Variants in LRBA observed in about 807,000 individuals in gnomAD.
LRBA encodes the protein LPS responsive beige-like anchor protein, also known as lipopolysaccharide-responsive and beige-like anchor protein.
LRBA carries 176 observed loss-of-function variants against 330.0 expected under a neutral mutation model. The ratio of observed to expected loss-of-function variants is 0.53; its 90% CI spans 0.47 to 0.60. The LOEUF (loss-of-function observed/expected upper bound fraction) is 0.60, where lower values mean the gene tolerates loss of function less well. Ranked by LOEUF, LRBA falls within the 20% of genes least tolerant of loss-of-function variation. LRBA has a pLI of 0.00. For synonymous variants in LRBA, 1,230 were observed against 1,193.0 expected (o/e 1.03, Z -0.64); for missense variants, 3,259 against 3,444.8 (o/e 0.95, Z 1.35).
intron 47 of LRBA, among the ~76,000 whole-genome samples, chr4:150,403,013 A>C (rs1230488841): frequency 6.6e-6 from 1 of 152,168 alleles, no homozygotes; most frequent in Non-Finnish European, 1.5e-5. Flanking sequence ...TTCGTTTGAG[A>C]TACACCAGTT....
At chr4:150,722,419 T>C (rs377177327) in intron 36 of LRBA, among the ~76,000 whole-genome samples, 23 of 152,238 alleles carry the variant, frequency 1.5e-4, no homozygotes, top group Non-Finnish European at 2.8e-4. Flanking sequence ...AGAGTGAGTA[T>C]TGAATTCACT....
At chr4:150,266,957 A>T (rs1215521647) in intron 56 of LRBA, among the ~76,000 whole-genome samples, 4 of 152,380 alleles carry the variant, frequency 2.6e-5, no homozygotes, top group South Asian at 4.1e-4. Context: ...AACTGTTACA[A>T]GAGACAAAGG....
chr4:150,703,055 G>A (rs998779536), intron 36 of LRBA, among the ~76,000 whole-genome samples: 11 of 152,158 alleles, frequency 7.2e-5, no homozygotes, highest in African/African-American at 2.7e-4. Context: ...CAGCTACTCG[G>A]GAGGCTGAGG....
chr4:150,591,495 C>T (rs1334435583), intron 38 of LRBA, among the ~76,000 whole-genome samples: 1 of 152,192 alleles, frequency 6.6e-6, no homozygotes, highest in African/African-American at 2.4e-5. Context: ...CATACACTCA[C>T]TCCTCCGCCC....
intron 48 of LRBA, among the ~76,000 whole-genome samples, chr4:150,332,177 A>C (rs1042745295): frequency 1.3e-5 from 2 of 152,170 alleles, no homozygotes; most frequent in African/African-American, 4.8e-5. Context: ...ATCTAGCCCC[A>C]ACCACTGTCC....
intron 46 of LRBA, among the ~76,000 whole-genome samples, chr4:150,425,573 CAT>C (rs1179238793): frequency 6.6e-6 from 1 of 152,166 alleles, no homozygotes; most frequent in Non-Finnish European, 1.5e-5. Flanking sequence ...TGTGACCACA[CAT>C]ATGCTTTAGT....
At chr4:150,618,813 C>T (rs1286043835) in intron 37 of LRBA, among the ~76,000 whole-genome samples, 1 of 148,776 alleles carries the variant, frequency 6.7e-6, no homozygotes, top group Admixed American at 6.8e-5. Flanking sequence ...TCACAATAAA[C>T]ATTATGTATA....
At chr4:150,549,229 G>T (rs944334893) in intron 40 of LRBA, among the ~76,000 whole-genome samples, 2 of 151,668 alleles carry the variant, frequency 1.3e-5, no homozygotes, top group Non-Finnish European at 2.9e-5. Context: ...TGTTTCATAT[G>T]ACATTTTTTA....
Position 150,900,067 on chromosome 4 carries a change from T to G in LRBA, c.1906A>C (p.Ile636Leu). 1 of 1,612,772 alleles carries G rather than the reference T, an allele frequency of 6.2e-7. No individual in the cohort carries two copies. The highest frequency in any genetic ancestry group is 8.5e-7 in the Non-Finnish European group (1 of 1,179,110). Residue 636 changes from isoleucine (I) to leucine (L), a missense_variant, in exon 14 of 57, where the codon ATC becomes CTC. Ile to Leu is a conservative substitution (Grantham distance 5). Transcript: ENST00000651943. ...WAVNPQDRSG[I>L]TPKGLDGPRP... ...TATATACCTAATCCTTTTGGGGTGA[T>G]ACCACTTCGATCCTGAGGATTCACT...
At chr4:150,537,188 C>T (rs1018904964) in intron 40 of LRBA, among the ~76,000 whole-genome samples, 5 of 152,098 alleles carry the variant, frequency 3.3e-5, no homozygotes, top group Admixed American at 6.6e-5. Context: ...ACACCTACAA[C>T]AAAAGTTTTA....
intron 2 of LRBA, among the ~76,000 whole-genome samples, chr4:150,967,994 T>C (rs1739093362): frequency 6.6e-6 from 1 of 150,838 alleles, no homozygotes. Flanking sequence ...AAAGGAAGAT[T>C]TGCACATCTT....
At position 150,632,818 on chromosome 4, in the gene LRBA, T is replaced by C. The variant is rs555741618; in HGVS notation, c.5922-33687A>G. 5.8e-4 allele frequency among the ~76,000 whole-genome samples: 88 copies of C among 152,340 alleles called. No homozygotes were observed. The South Asian group carries it at 0.017, about 29-fold the overall frequency. ...TCAGCAATTTATACTTGCTGCATCA[T>C]AGCAGTTATTCAACTACTTTATCAT... On this transcript the variant is annotated intron_variant, in intron 37 of 56. Coordinates refer to ENST00000651943, the MANE Select transcript of LRBA (RefSeq NM_001364905.1).
intron 47 of LRBA, among the ~76,000 whole-genome samples, chr4:150,381,500 G>A (rs1454713542): frequency 1.3e-5 from 2 of 152,228 alleles, no homozygotes; most frequent in East Asian, 3.9e-4. Flanking sequence ...ATGTTTTCAT[G>A]GTTCATGCTG....
chr4:150,774,774 T>G (rs887777488), intron 34 of LRBA, among the ~76,000 whole-genome samples: 1 of 152,192 alleles, frequency 6.6e-6, no homozygotes, highest in Non-Finnish European at 1.5e-5. Context: ...TTCCCCTTCC[T>G]TCACAAAGTT....
At chr4:150,794,135 G>A (rs1740404930) in intron 34 of LRBA, among the ~76,000 whole-genome samples, 2 of 152,162 alleles carry the variant, frequency 1.3e-5, no homozygotes. Context: ...GAAAGAAAAA[G>A]CATGTACCAA....
intron 34 of LRBA, among the ~76,000 whole-genome samples, chr4:150,792,833 C>T (rs1211158766): frequency 2.6e-5 from 4 of 152,158 alleles, no homozygotes; most frequent in Admixed American, 2.6e-4. Flanking sequence ...GTAATCCCAG[C>T]ACTTTGGGAG....
Position 150,761,848 on chromosome 4 carries a change from C to A in LRBA, c.5581-1G>T. ...TCTTCTGAATAGAATTTTGCCACTC[C>A]TATAAAAAAAAAAGCAAAAATAGCT... On this transcript the variant is annotated splice_acceptor_variant, in intron 34 of 56. Transcript: ENST00000651943. LOFTEE classifies it high-confidence loss of function. 6.6e-7 allele frequency: 1 copy of A among 1,509,308 alleles called. No individual in the cohort carries two copies. The highest frequency in any genetic ancestry group is 2.4e-5 in the Admixed American group (1 of 42,392). The allele number at this position is 1,509,308 out of a possible 1,614,324, so 93.5% of individuals were successfully genotyped here.
chr4:150,556,131 T>A (rs568412900), intron 40 of LRBA, among the ~76,000 whole-genome samples: 2 of 152,108 alleles, frequency 1.3e-5, no homozygotes, highest in Admixed American at 1.3e-4. Context: ...TAGCAAAATA[T>A]ATAAAAAATA....
intron 44 of LRBA, among the ~76,000 whole-genome samples, chr4:150,466,622 G>A (rs939988791): frequency 3.3e-5 from 5 of 152,160 alleles, no homozygotes; most frequent in East Asian, 1.9e-4. Flanking sequence ...GGTACAGACA[G>A]GGAAGAAGCA....
Sources: gnomAD v4.1 joint callset for allele counts (sites outside exome capture counted in the v4.1 genomes callset) on GRCh38, gnomAD v4.1.1 for gene constraint, MANE v1.5 for transcripts, NCBI Gene and HGNC (gene_info 2026-07-23, HGNC 2026-07-21) for gene names.